Variants in ERBB4 observed in about 807,000 individuals in gnomAD.
ERBB4 encodes receptor tyrosine-protein kinase erbB-4.
A neutral mutation model predicts 158.0 loss-of-function variants in ERBB4; 42 were observed. That is an observed-to-expected ratio of 0.27 (90% CI 0.21 to 0.34). ERBB4 has a LOEUF of 0.34. Ranked by LOEUF, ERBB4 falls within the 10% of genes least tolerant of loss-of-function variation. The pLI is 1.00. For synonymous variants in ERBB4, 583 were observed against 558.7 expected (o/e 1.04, Z -0.61); for missense variants, 1,333 against 1,624.1 (o/e 0.82, Z 3.08).
At chr2:211,710,357 C>T (rs1032343838) in intron 9 of ERBB4, among the ~76,000 whole-genome samples, 1 of 152,132 alleles carries the variant, frequency 6.6e-6, no homozygotes, top group Admixed American at 6.6e-5. Context: ...TATAATCTTA[C>T]ATTCATGTGG....
At chr2:211,871,079 C>G (rs1158894013) in intron 3 of ERBB4, among the ~76,000 whole-genome samples, 1 of 152,124 alleles carries the variant, frequency 6.6e-6, no homozygotes, top group Non-Finnish European at 1.5e-5. Flanking sequence ...ATTTTAGTAT[C>G]ATCAGGCAAG....
At chr2:211,766,297 T>C (rs2075548675) in intron 4 of ERBB4, among the ~76,000 whole-genome samples, 1 of 152,318 alleles carries the variant, frequency 6.6e-6, no homozygotes, top group Admixed American at 6.5e-5. Flanking sequence ...CAGTTTGATC[T>C]GCTTGTTCAT....
At chr2:211,683,695 C>A (rs969730742) in intron 12 of ERBB4, among the ~76,000 whole-genome samples, 4 of 149,276 alleles carry the variant, frequency 2.7e-5, no homozygotes, top group Non-Finnish European at 4.4e-5. Context: ...GTAATAAATT[C>A]TCGGGAGTTA....
intron 1 of ERBB4, among the ~76,000 whole-genome samples, chr2:212,506,391 G>A (rs1178703272): frequency 2.4e-5 from 3 of 124,408 alleles, no homozygotes; most frequent in Non-Finnish European, 6.1e-5. Context: ...AAATGATTAA[G>A]TTTAGCAAGG....
At chr2:212,339,966 C>A (rs2088625531) in intron 1 of ERBB4, among the ~76,000 whole-genome samples, 1 of 152,026 alleles carries the variant, frequency 6.6e-6, no homozygotes, top group Non-Finnish European at 1.5e-5. Context: ...ATGATGCTGT[C>A]CTACTAGAAA....
chr2:211,716,122 G>T (rs2073888519), intron 7 of ERBB4, among the ~76,000 whole-genome samples: 2 of 152,060 alleles, frequency 1.3e-5, no homozygotes, highest in Admixed American at 6.5e-5. Context: ...CAGCACTTTG[G>T]GAGGCCGAGG....
rs568429807 is a variant in ERBB4 at position 211,666,110 on chromosome 2, C to G, written c.1717-633G>C. 1.2e-4 allele frequency among the ~76,000 whole-genome samples: 18 copies of G among 152,128 alleles called. 1 individual carries two copies. The South Asian group carries it at 3.3e-3, about 28-fold the overall frequency. The stretch of plus-strand genomic sequence containing the variant: ...TATGATAACATTATCAGGAATTAGG[C>G]CGTTTAGGTGAATAAAAATAATTCC... On this transcript the variant is annotated intron_variant, in intron 14 of 27. Transcript: ENST00000342788.
At chr2:211,915,820 T>C (rs900510329) in intron 3 of ERBB4, among the ~76,000 whole-genome samples, 2 of 151,916 alleles carry the variant, frequency 1.3e-5, no homozygotes, top group African/African-American at 4.8e-5. Context: ...TAAGTAATAA[T>C]AATGAAAGTG....
chr2:211,544,461 G>A (rs192360917), intron 20 of ERBB4, among the ~76,000 whole-genome samples: 36 of 152,106 alleles, frequency 2.4e-4, no homozygotes, highest in Non-Finnish European at 4.4e-4. Context: ...GACGTAGCCT[G>A]TGGAAACGCT....
chr2:212,241,286 A>T (rs1176219388), intron 1 of ERBB4, among the ~76,000 whole-genome samples: 3 of 151,278 alleles, frequency 2.0e-5, no homozygotes, highest in Non-Finnish European at 2.9e-5. Flanking sequence ...AATAAAAAAA[A>T]TTTTAAAACC....
chr2:211,602,477 A>G (rs1164907506), intron 19 of ERBB4, among the ~76,000 whole-genome samples: 1 of 152,120 alleles, frequency 6.6e-6, no homozygotes, highest in Non-Finnish European at 1.5e-5. Context: ...TGTTTGCTCA[A>G]TAACCCCAGA....
In ERBB4 at chr2:211,961,479, T is replaced by C. The variant is rs75641218; in HGVS notation, c.235-13863A>G. ...GGGGCAATGGGAACCCATGTAAACATGAAGCTCATGCTGACTGCTGTGCCA... is the reference window on the plus strand; with the variant it reads ...GGGGCAATGGGAACCCATGTAAACACGAAGCTCATGCTGACTGCTGTGCCA... On this transcript the variant is annotated intron_variant, in intron 2 of 27. Coordinates refer to ENST00000342788, the MANE Select transcript of ERBB4 (RefSeq NM_005235.3). 5.3e-4 allele frequency among the ~76,000 whole-genome samples: 81 copies of C among 152,282 alleles called. 1 individual carries two copies. The highest frequency in any genetic ancestry group is 7.9e-4 in the Admixed American group (12 of 15,274).
chr2:212,134,025 A>G (rs1437684039), intron 1 of ERBB4, among the ~76,000 whole-genome samples: 1 of 152,108 alleles, frequency 6.6e-6, no homozygotes. Flanking sequence ...TTTTCAATTG[A>G]TGGGTAATAG....
chr2:211,824,146 G>A (rs1055238787), intron 3 of ERBB4, among the ~76,000 whole-genome samples: 4 of 151,842 alleles, frequency 2.6e-5, no homozygotes. Context: ...AGCATTTTAC[G>A]AGTACTGCTT....
At chr2:212,302,272 C>T (rs1332377470) in intron 1 of ERBB4, among the ~76,000 whole-genome samples, 4 of 151,478 alleles carry the variant, frequency 2.6e-5, no homozygotes, top group African/African-American at 9.7e-5. Flanking sequence ...CAGTTCTTTA[C>T]ATCTCTCCCT....
chr2:212,294,757 A>T (rs1457462473), intron 1 of ERBB4, among the ~76,000 whole-genome samples: 2 of 152,152 alleles, frequency 1.3e-5, no homozygotes, highest in African/African-American at 4.8e-5. Flanking sequence ...TAAAAAGTAT[A>T]CTATAACCAA....
intron 6 of ERBB4, among the ~76,000 whole-genome samples, chr2:211,723,287 T>C (rs1319349058): frequency 1.3e-5 from 2 of 152,130 alleles, no homozygotes; most frequent in Non-Finnish European, 2.9e-5. Context: ...ACCTGAGAGG[T>C]AGGTACTTGA....
At chr2:212,260,673 C>T (rs1416404902) in intron 1 of ERBB4, among the ~76,000 whole-genome samples, 3 of 151,922 alleles carry the variant, frequency 2.0e-5, no homozygotes, top group African/African-American at 7.3e-5. Flanking sequence ...ATTAGCTGAG[C>T]ATGGTGGCGG....
chr2:211,530,690 C>T (rs979433971), intron 20 of ERBB4, among the ~76,000 whole-genome samples: 1 of 151,982 alleles, frequency 6.6e-6, no homozygotes, highest in Non-Finnish European at 1.5e-5. Context: ...GAGTTTGAGA[C>T]CAGCTTAGGC....
Sources: gnomAD v4.1 joint callset for allele counts (sites outside exome capture counted in the v4.1 genomes callset) on GRCh38, gnomAD v4.1.1 for gene constraint, MANE v1.5 for transcripts, NCBI Gene and HGNC (gene_info 2026-07-23, HGNC 2026-07-21) for gene names.